Variants in PPOX observed in about 807,000 individuals in gnomAD.
The protein encoded by PPOX is variegate porphyria.
A neutral mutation model predicts 54.1 loss-of-function variants in PPOX; 23 were observed. That is an observed-to-expected ratio of 0.43 (90% CI 0.31 to 0.60). PPOX has a LOEUF of 0.60. Ranked by LOEUF, PPOX falls within the 20% of genes least tolerant of loss-of-function variation. The pLI is 0.13. For missense variants in PPOX, 512 were observed against 601.1 expected (o/e 0.85, Z 1.55); for synonymous variants, 224 against 236.1 (o/e 0.95, Z 0.47).
In PPOX at chr1:161,169,018, A is replaced by C. The variant is rs750929022; in HGVS notation, c.642A>C (p.Ala214=). The change falls in exon 7 of 13, where the codon GCA becomes GCC. Residue 214 remains alanine, a synonymous_variant. Coordinates refer to ENST00000367999, the MANE Select transcript of PPOX (RefSeq NM_001122764.3). ...GGCGGACCCCACAGCCAGACTCAGC[A>C]CTCATTCGCCAGGCCTTGGCTGAGC... is the stretch of plus-strand genomic sequence containing the variant. The part of the protein sequence containing the change: ...GAGRTPQPDS[A]LIRQALAERW... 48 of 1,614,016 alleles carry C rather than the reference A, an allele frequency of 3.0e-5. No homozygotes were observed. The highest frequency in any genetic ancestry group is 4.1e-5 in the Non-Finnish European group (48 of 1,180,044).
chr1:161,170,321 T>TGGGGGGGGCCCCCCC, intron 9 of PPOX, 88 bp from the exon 10 acceptor site: 1 of 367,764 alleles, frequency 2.7e-6, no homozygotes, highest in Non-Finnish European at 5.3e-6. Flanking sequence ...TGAGACTCTG[T>TGGGGGGGGCCCCCCC]CCCCCCCACC....
At chr1:161,176,690 G>C in intron 4 of PPOX, 1 of 620,844 alleles carries the variant, frequency 1.6e-6, no homozygotes, top group South Asian at 2.0e-5. Context: ...TGGAAAGGAA[G>C]AGGAGGAGCA....
At position 161,171,152 on chromosome 1, in the gene PPOX, C is replaced by T. The variant is rs779680280; in HGVS notation, c.1410C>T (p.Val470=). 7 of 1,613,344 alleles carry T rather than the reference C, an allele frequency of 4.3e-6. No individual in the cohort carries two copies. The highest frequency in any genetic ancestry group is 3.3e-5 in the Admixed American group (2 of 60,006). The stretch of plus-strand genomic sequence containing the variant: ...GTGGGCGCCAGGCAGCAGTCAGTGT[C>T]CTGGGCACAGAACCTAACAGCTGAT... The part of the protein sequence containing the change: ...IESGRQAAVS[V]LGTEPNS The change falls in exon 13 of 13, where the codon GTC becomes GTT. Residue 470 remains valine, a synonymous_variant. Coordinates refer to ENST00000367999, the MANE Select transcript of PPOX (RefSeq NM_001122764.3).
At position 161,170,016 on chromosome 1, in the gene PPOX, C is replaced by T; in HGVS notation, c.979C>T (p.Pro327Ser). Residue 327 changes from proline to serine, a missense_variant, in exon 9 of 13, where the codon CCT becomes TCT. Physicochemically the swap from Pro to Ser is moderately conservative, Grantham distance 74. Coordinates refer to ENST00000367999, the MANE Select transcript of PPOX (RefSeq NM_001122764.3). ...VNLQYQGAHL[P>S]VQGFGHLVPS... ...TCTGCAGTACCAAGGAGCCCATCTG[C>T]CTGTCCAGGTATGATAAAGGGACGG... The T allele has an allele frequency of 6.2e-7, 1 of 1,613,422 alleles. No individual in the cohort carries two copies.
chr1:161,172,073 G>T, downstream of PPOX: 2 of 1,614,168 alleles, frequency 1.2e-6, no homozygotes, highest in Non-Finnish European at 1.7e-6. Context: ...TTCTGGGTAC[G>T]GACCAGGAGG....
At chr1:161,174,362 C>T (rs1449163839), downstream of PPOX, among the ~76,000 whole-genome samples, 6 of 147,082 alleles carry the variant, frequency 4.1e-5, no homozygotes, top group East Asian at 4.0e-4. Flanking sequence ...CAGCCGAGAT[C>T]GTGCCACTGC....
chr1:161,171,295 G>C, downstream of PPOX: 1 of 1,526,344 alleles, frequency 6.6e-7, no homozygotes, highest in South Asian at 1.1e-5. Context: ...CTGGGATGCA[G>C]AAAGCAGGAG....
chr1:161,172,186 G>A (rs775005640), downstream of PPOX: 3 of 1,612,376 alleles, frequency 1.9e-6, no homozygotes, highest in East Asian at 6.7e-5. Context: ...GAACCCTGAG[G>A]ATCCAGTAAC....
chr1:161,167,367 G>A lies in PPOX; in HGVS notation c.223-4G>A, dbSNP rs1378334118. The A allele has an allele frequency of 1.9e-6, 3 of 1,614,006 alleles. No individual in the cohort carries two copies. The highest frequency in any genetic ancestry group is 1.1e-5 in the South Asian group (1 of 91,080). On this transcript the variant is annotated splice_region_variant and splice_polypyrimidine_tract_variant and intron_variant, in intron 3 of 12. Transcript: ENST00000367999. The stretch of plus-strand genomic sequence containing the variant: ...CTCCTCTTCTGAGGGCATGTGGAGA[G>A]CAGGTTTCTGAGCTTGGCTTGGATT...
downstream of PPOX, chr1:161,175,863 C>A (rs77557862): frequency 1.9e-4 from 309 of 1,614,122 alleles, no homozygotes; most frequent in African/African-American, 3.8e-3. Flanking sequence ...CTGGAGGACC[C>A]CCTGGGGCCC....
intron 5 of PPOX, 33 bp downstream of exon 5, chr1:161,168,160 C>T (rs1469875133): frequency 6.2e-7 from 1 of 1,614,134 alleles, no homozygotes; most frequent in East Asian, 2.2e-5. Flanking sequence ...AAACCTCTTC[C>T]CTCCTAAACC....
chr1:161,175,141 TAC>T (rs751738152), downstream of PPOX: 1 of 1,614,018 alleles, frequency 6.2e-7, no homozygotes, highest in Admixed American at 1.7e-5. Flanking sequence ...TGCAGGGCGG[TAC>T]CGGCCCCCTG....
upstream of PPOX, chr1:161,166,245 C>G: frequency 1.0e-6 from 1 of 961,230 alleles, no homozygotes; most frequent in Non-Finnish European, 1.2e-6. Context: ...AGGGCAGTGA[C>G]GGGTACGGCC....
chr1:161,174,768 A>C, downstream of PPOX: 1 of 540,894 alleles, frequency 1.8e-6, no homozygotes, highest in Non-Finnish European at 3.2e-6. Flanking sequence ...TTCAATAAAG[A>C]AAAAATCACA....
At chr1:161,170,321 T>TGGGGCGCCCCCC in intron 9 of PPOX, 88 bp from the exon 10 acceptor site, 1 of 367,768 alleles carries the variant, frequency 2.7e-6, no homozygotes, top group Non-Finnish European at 5.3e-6. Context: ...TGAGACTCTG[T>TGGGGCGCCCCCC]CCCCCCCACC....
chr1:161,171,621 A>T (rs1403739799), downstream of PPOX: 1 of 687,572 alleles, frequency 1.5e-6, no homozygotes, highest in Admixed American at 2.9e-5. Flanking sequence ...CCTACAGGAG[A>T]CCCTAGAGAG....
At position 161,170,472 on chromosome 1, in the gene PPOX, G is replaced by A; in HGVS notation, c.1051G>A (p.Val351Ile). Residue 351 changes from valine to isoleucine, a missense_variant, in exon 10 of 13, where the codon GTT (valine) becomes ATT (isoleucine). Val to Ile is a conservative substitution (Grantham distance 29, BLOSUM62 3). Transcript: ENST00000367999. ...AGTCCTGGGAATCGTGTATGACTCAGTTGCTTTCCCTGAGCAGGACGGGAG... is the reference window on the plus strand; with the variant it reads ...AGTCCTGGGAATCGTGTATGACTCAATTGCTTTCCCTGAGCAGGACGGGAG... ...PGVLGIVYDSVAFPEQDGSPP... is the reference protein window; with the variant it reads ...PGVLGIVYDSIAFPEQDGSPP... The A allele has an allele frequency of 6.2e-7, 1 of 1,614,254 alleles. No homozygotes were observed. The highest frequency in any genetic ancestry group is 8.5e-7 in the Non-Finnish European group (1 of 1,180,040).
At chr1:161,176,012 C>A (rs1161259889), downstream of PPOX, 1 of 1,613,978 alleles carries the variant, frequency 6.2e-7, no homozygotes, top group Non-Finnish European at 8.5e-7. Flanking sequence ...AGCTGGGAGC[C>A]CACAAGCAGG....
chr1:161,173,397 C>T (rs948419804), downstream of PPOX, among the ~76,000 whole-genome samples: 15 of 152,190 alleles, frequency 9.9e-5, no homozygotes, highest in Admixed American at 7.9e-4. Context: ...CTCCCAAGAA[C>T]AAACTAACCA....
Sources: gnomAD v4.1 joint callset for allele counts (sites outside exome capture counted in the v4.1 genomes callset) on GRCh38, gnomAD v4.1.1 for gene constraint, MANE v1.5 for transcripts, NCBI Gene and HGNC (gene_info 2026-07-23, HGNC 2026-07-21) for gene names.